Variants in TYR observed in about 807,000 individuals in gnomAD.
The protein encoded by TYR is tyrosinase.
In TYR, 58 loss-of-function variants were observed where a neutral mutation model predicts 51.5. The ratio of observed to expected loss-of-function variants is 1.13; its 90% CI spans 0.91 to 1.40. TYR has a LOEUF of 1.40. TYR is among the 40% of genes most tolerant of loss of function. The pLI is 0.00. For synonymous variants in TYR, 263 were observed against 235.2 expected (o/e 1.12, Z -1.08); for missense variants, 732 against 647.4 (o/e 1.13, Z -1.42).
chr11:89,276,624 C>A (rs1274237908), intron 3 of TYR, among the ~76,000 whole-genome samples: 1 of 151,568 alleles, frequency 6.6e-6, no homozygotes, highest in Non-Finnish European at 1.5e-5. Context: ...GTGTGTGAGT[C>A]CTGAGTCCTC....
intron 2 of TYR, among the ~76,000 whole-genome samples, chr11:89,221,516 T>C (rs544617352): frequency 6.6e-6 from 1 of 152,346 alleles, no homozygotes; most frequent in Non-Finnish European, 1.5e-5. Context: ...GATCCAAAAA[T>C]GTTTTTTGAT....
intron 2 of TYR, among the ~76,000 whole-genome samples, chr11:89,217,956 A>T (rs1272622824): frequency 6.6e-6 from 1 of 152,148 alleles, no homozygotes; most frequent in African/African-American, 2.4e-5. Context: ...ATGGGTGAAT[A>T]GTTATTTCTA....
Position 89,295,285 on chromosome 11 carries a change from G to C in TYR, c.1509G>C (p.Lys503Asn), listed in dbSNP as rs138750983. The change falls in exon 5 of 5, where the codon AAG becomes AAC. Residue 503 changes from lysine (K) to asparagine (N), a missense_variant. By Grantham distance (94) the Lys-to-Asn change is moderately conservative. Transcript: ENST00000263321. Reference protein sequence around the residue: ...AGLVSLLCRHKRKQLPEEKQP... With the variant: ...AGLVSLLCRHNRKQLPEEKQP... ...TTGTGAGCTTGCTGTGTCGTCACAA[G>C]AGAAAGCAGCTTCCTGAAGAAAAGC... 1,053 of 1,613,614 alleles carry C rather than the reference G, an allele frequency of 6.5e-4. No homozygotes were observed. The highest frequency in any genetic ancestry group is 8.2e-4 in the Non-Finnish European group (972 of 1,179,800).
At chr11:89,208,566 C>T (rs995227374) in intron 2 of TYR, among the ~76,000 whole-genome samples, 2 of 152,124 alleles carry the variant, frequency 1.3e-5, no homozygotes, top group Admixed American at 6.5e-5. Context: ...GCTATTATCA[C>T]TTTGTTTTCT....
At chr11:89,289,736 TA>T (rs1944835167) in intron 4 of TYR, among the ~76,000 whole-genome samples, 1 of 151,862 alleles carries the variant, frequency 6.6e-6, no homozygotes, top group South Asian at 2.1e-4. Context: ...AAGACATATA[TA>T]AATAGATATA....
At chr11:89,269,264 A>G (rs2135313375) in intron 3 of TYR, among the ~76,000 whole-genome samples, 1 of 152,052 alleles carries the variant, frequency 6.6e-6, no homozygotes, top group Admixed American at 6.6e-5. Flanking sequence ...AGCCAAGTTA[A>G]TAGCAGACCT....
chr11:89,265,754 T>C lies in TYR; in HGVS notation c.1185-19019T>C, dbSNP rs190793955. ...CTCCCTTTCCATAGTGGAGATTTAATAAAAATAAAATAATCCATTTTCCTT... is the reference window on the plus strand; with the variant it reads ...CTCCCTTTCCATAGTGGAGATTTAACAAAAATAAAATAATCCATTTTCCTT... On this transcript the variant is annotated intron_variant, in intron 3 of 4. Transcript: ENST00000263321. Among the ~76,000 whole-genome samples, 813 of 152,182 alleles carry C rather than the reference T, an allele frequency of 5.3e-3. 3 individuals are homozygous for C. Among genetic ancestry groups the C allele is most frequent in the South Asian group, 0.045 (216 of 4,828 alleles).
chr11:89,284,859 C>G lies in TYR; in HGVS notation c.1271C>G (p.Ser424Cys). 1 of 1,611,966 alleles carries G rather than the reference C, an allele frequency of 6.2e-7. No individual in the cohort carries two copies. Among genetic ancestry groups the G allele is most frequent in the Middle Eastern group, 1.7e-4 (1 of 6,038 alleles). Residue 424 changes from serine (S) to cysteine (C), a missense_variant, in exon 4 of 5, where the codon TCC becomes TGC. Transcript: ENST00000263321. ...ANAPIGHNRE[S>C]YMVPFIPLYR... ...GCACCCATTGGACATAACCGGGAATCCTACATGGTTCCTTTTATACCACTG... is the reference window on the plus strand; with the variant it reads ...GCACCCATTGGACATAACCGGGAATGCTACATGGTTCCTTTTATACCACTG...
intron 4 of TYR, among the ~76,000 whole-genome samples, chr11:89,294,755 A>G (rs1367025454): frequency 6.6e-6 from 1 of 152,250 alleles, no homozygotes; most frequent in Non-Finnish European, 1.5e-5. Flanking sequence ...AATAATTAAA[A>G]GACTGGATTA....
chr11:89,187,907 T>C (rs924011359), intron 1 of TYR, among the ~76,000 whole-genome samples: 2 of 151,856 alleles, frequency 1.3e-5, no homozygotes, highest in Non-Finnish European at 2.9e-5. Flanking sequence ...ATATACACCA[T>C]ATTGCCTTAT....
At chr11:89,239,262 AT>A (rs751564049) in intron 3 of TYR, among the ~76,000 whole-genome samples, 32 of 152,014 alleles carry the variant, frequency 2.1e-4, no homozygotes, top group Non-Finnish European at 3.4e-4. Flanking sequence ...TGTACTCATT[AT>A]TGGTCTATTA....
chr11:89,213,801 A>C (rs1943794773), intron 2 of TYR, among the ~76,000 whole-genome samples: 1 of 152,168 alleles, frequency 6.6e-6, no homozygotes, highest in African/African-American at 2.4e-5. Flanking sequence ...ATCTACAAAC[A>C]ACAGATCTTT....
chr11:89,268,287 T>C (rs1444851805), intron 3 of TYR, among the ~76,000 whole-genome samples: 2 of 151,898 alleles, frequency 1.3e-5, no homozygotes, highest in Non-Finnish European at 2.9e-5. Context: ...TGCAGTTTTG[T>C]TGGAGAAATA....
rs370005862 is a variant in TYR at position 89,205,423 on chromosome 11, A to G, written c.1036+14005A>G. 2.0e-5 allele frequency among the ~76,000 whole-genome samples: 3 copies of G among 152,170 alleles called. No individual in the cohort carries two copies. In the East Asian group the frequency reaches 5.8e-4, roughly 29 times the overall value. ...GAATCAGAGTTAAACCCAATTTAATAAATCCCATAGCAATCCACATCAAAA... is the reference window on the plus strand; with the variant it reads ...GAATCAGAGTTAAACCCAATTTAATGAATCCCATAGCAATCCACATCAAAA... On this transcript the variant is annotated intron_variant, in intron 2 of 4. Transcript: ENST00000263321.
rs145740600 is a variant in TYR at position 89,243,449 on chromosome 11, C to T, written c.1184+15479C>T. 1.1e-4 allele frequency among the ~76,000 whole-genome samples: 16 copies of T among 152,278 alleles called. No individual in the cohort carries two copies. In the East Asian group the frequency reaches 3.1e-3, roughly 29 times the overall value. The stretch of plus-strand genomic sequence containing the variant: ...TTTCTCCACTTCCCCAAGGTCCTTA[C>T]TCCAGTCTTTTGAGTCTCCAAGAAT... On this transcript the variant is annotated intron_variant, in intron 3 of 4. Coordinates refer to ENST00000263321, the MANE Select transcript of TYR (RefSeq NM_000372.5).
At chr11:89,251,534 A>C (rs1944330534) in intron 3 of TYR, among the ~76,000 whole-genome samples, 1 of 151,956 alleles carries the variant, frequency 6.6e-6, no homozygotes, top group South Asian at 2.1e-4. Context: ...CAGGAAAGAA[A>C]TATTACTAAA....
At chr11:89,254,050 G>A (rs947400887) in intron 3 of TYR, among the ~76,000 whole-genome samples, 7 of 151,614 alleles carry the variant, frequency 4.6e-5, no homozygotes, top group Non-Finnish European at 8.9e-5. Context: ...GCTGGATTTT[G>A]TCAAGTACAT....
intron 1 of TYR, among the ~76,000 whole-genome samples, chr11:89,183,100 A>C (rs1478270935): frequency 6.6e-6 from 1 of 152,124 alleles, no homozygotes; most frequent in African/African-American, 2.4e-5. Flanking sequence ...TTTTTCCCCC[A>C]GATAAACCTC....
chr11:89,266,256 C>T (rs1944525013), intron 3 of TYR, among the ~76,000 whole-genome samples: 1 of 151,974 alleles, frequency 6.6e-6, no homozygotes, highest in African/African-American at 2.4e-5. Context: ...TATTGGTGTT[C>T]TGTATATTTC....
Sources: allele counts gnomAD v4.1 joint callset (sites outside exome capture counted in the v4.1 genomes callset), GRCh38; gene constraint gnomAD v4.1.1; transcripts MANE v1.5; gene names NCBI Gene and HGNC (gene_info 2026-07-23, HGNC 2026-07-21).